Variants in PAIP2 observed in about 807,000 individuals in gnomAD.
PAIP2 encodes polyadenylate-binding protein-interacting protein 2.
Under a neutral mutation model 14.8 loss-of-function variants are expected in PAIP2, and 7 were observed. The observed-to-expected ratio is 0.47, with a 90% CI of 0.27 to 0.89. The LOEUF is 0.89. PAIP2 is among the 40% of genes least tolerant of loss of function. The probability of loss-of-function intolerance (pLI) is 0.13; values close to 1 mark genes in which losing one functional copy is unlikely to be tolerated. For synonymous variants in PAIP2, 47 were observed against 45.3 expected (o/e 1.04, Z -0.15); for missense variants, 122 against 154.7 (o/e 0.79, Z 1.12).
Position 139,368,802 on chromosome 5 carries a change from G to C in PAIP2, c.*4G>C, listed in dbSNP as rs1757467113. ...GGTGAAGTACGGAAATATTTGAGTA[G>C]ACGGGGCCCTCTTTTGGTGGATGTA... On this transcript the variant is annotated 3_prime_UTR_variant, in exon 4 of 4. Transcript: ENST00000265192. 6.2e-7 allele frequency: 1 copy of C among 1,605,058 alleles called. No homozygotes were observed.
chr5:139,349,525 G>A (rs1756662084), intron 1 of PAIP2, among the ~76,000 whole-genome samples: 1 of 152,172 alleles, frequency 6.6e-6, no homozygotes, highest in African/African-American at 2.4e-5. Flanking sequence ...GGGATTACAG[G>A]CATGAGCCAC....
chr5:139,347,269 T>A (rs866742985), intron 1 of PAIP2, among the ~76,000 whole-genome samples: 169 of 2,514 alleles, frequency 0.067, no homozygotes, highest in South Asian at 0.28. Context: ...ATGTTACAAC[T>A]TTTTTTTTTT....
chr5:139,343,746 C>G (rs1002729401), intron 1 of PAIP2, among the ~76,000 whole-genome samples: 1 of 136,802 alleles, frequency 7.3e-6, no homozygotes, highest in Non-Finnish European at 1.5e-5. Flanking sequence ...GAGTCTCACT[C>G]TGTCGCCAGG....
intron 1 of PAIP2, among the ~76,000 whole-genome samples, chr5:139,359,313 A>G (rs1463050261): frequency 6.6e-6 from 1 of 151,350 alleles, no homozygotes; most frequent in Non-Finnish European, 1.5e-5. Context: ...ATTTTTTTTC[A>G]TTTTCAGTAG....
chr5:139,361,461 G>T (rs1050841972), intron 1 of PAIP2, among the ~76,000 whole-genome samples: 1 of 152,034 alleles, frequency 6.6e-6, no homozygotes, highest in Non-Finnish European at 1.5e-5. Context: ...TTGAGTTTAC[G>T]TACAGGTGAA....
At chr5:139,349,272 G>A (rs924522122) in intron 1 of PAIP2, among the ~76,000 whole-genome samples, 3 of 151,924 alleles carry the variant, frequency 2.0e-5, no homozygotes, top group South Asian at 2.1e-4. Context: ...TCTCTGAGAC[G>A]GAGTCTCGCT....
At chr5:139,359,068 G>A (rs984401190) in intron 1 of PAIP2, among the ~76,000 whole-genome samples, 10 of 151,916 alleles carry the variant, frequency 6.6e-5, no homozygotes, top group African/African-American at 1.9e-4. Context: ...CCTTGACCTC[G>A]GGCTAATATG....
intron 1 of PAIP2, among the ~76,000 whole-genome samples, chr5:139,349,563 A>G (rs899488126): frequency 6.6e-6 from 1 of 152,156 alleles, no homozygotes; most frequent in Non-Finnish European, 1.5e-5. Context: ...GTACATTTTT[A>G]ATTGATAGGA....
intron 3 of PAIP2, among the ~76,000 whole-genome samples, chr5:139,366,019 G>A (rs1473315309): frequency 1.3e-5 from 2 of 152,004 alleles, no homozygotes; most frequent in African/African-American, 4.8e-5. Flanking sequence ...GACCAACATG[G>A]TGAAACCCCG....
chr5:139,349,655 AAAGT>A (rs1561957924), intron 1 of PAIP2, among the ~76,000 whole-genome samples: 2 of 152,230 alleles, frequency 1.3e-5, no homozygotes, highest in Non-Finnish European at 2.9e-5. Context: ...AAGCATAAGA[AAAGT>A]AAACATGAAA....
Position 139,360,600 on chromosome 5 carries a change from C to T in PAIP2, c.-26-3159C>T, listed in dbSNP as rs550761201. On this transcript the variant is annotated intron_variant, in intron 1 of 3. Coordinates refer to ENST00000265192, the MANE Select transcript of PAIP2 (RefSeq NM_016480.5). Reference sequence around the variant, plus strand: ...CTCCACCTCCCAGGGTCAGGAGATCCTCCTACCTTGGCCTCCCAAGTAGCT... The same window carrying T: ...CTCCACCTCCCAGGGTCAGGAGATCTTCCTACCTTGGCCTCCCAAGTAGCT... Among the ~76,000 whole-genome samples the T allele has an allele frequency of 2.0e-5, 3 of 151,938 alleles. No homozygotes were observed. In the South Asian group the frequency reaches 6.2e-4, roughly 32 times the overall value.
At chr5:139,358,514 T>G (rs1014080997) in intron 1 of PAIP2, among the ~76,000 whole-genome samples, 1 of 152,142 alleles carries the variant, frequency 6.6e-6, no homozygotes, top group Non-Finnish European at 1.5e-5. Flanking sequence ...TTGAACACAT[T>G]GGGTATATAT....
chr5:139,354,384 T>G (rs751462677), intron 1 of PAIP2, among the ~76,000 whole-genome samples: 3 of 152,222 alleles, frequency 2.0e-5, no homozygotes, highest in Non-Finnish European at 4.4e-5. Context: ...AATCAGCTGT[T>G]AATCTTATTG....
chr5:139,364,358 T>C (rs1470404845), intron 2 of PAIP2, among the ~76,000 whole-genome samples: 1 of 152,212 alleles, frequency 6.6e-6, no homozygotes, highest in Admixed American at 6.5e-5. Context: ...AAAAAGAATG[T>C]TCTACTAATA....
In PAIP2 at chr5:139,346,693, A is replaced by ACGGT. The variant is rs1756561374; in HGVS notation, c.-27+4713_-27+4714insCGGT. Among the ~76,000 whole-genome samples the ACGGT allele has an allele frequency of 2.1e-5, 3 of 144,452 alleles. No homozygotes were observed. In the South Asian group the frequency reaches 6.6e-4, roughly 32 times the overall value. The allele number at this position is 144,452 out of a possible 152,430, so 94.8% of individuals were successfully genotyped here. A position where few individuals can be genotyped will look rare whatever the true frequency, so the allele number is the denominator to read the frequency against. On this transcript the variant is annotated intron_variant, in intron 1 of 3. Coordinates refer to ENST00000265192, the MANE Select transcript of PAIP2 (RefSeq NM_016480.5). ...ACTACAAGCGTGCACCTCCATGTCC[A>ACGGT]GCTAATTTTTGCATTTTTAGAGACG...
chr5:139,352,179 A>C (rs935642715), intron 1 of PAIP2, among the ~76,000 whole-genome samples: 9 of 146,510 alleles, frequency 6.1e-5, no homozygotes, highest in African/African-American at 2.0e-4. Context: ...GAAAAAAAAA[A>C]AAACACCAAA....
intron 1 of PAIP2, 115 bp from the exon 2 acceptor site, chr5:139,363,644 G>A (rs1181582559): frequency 7.3e-6 from 6 of 825,782 alleles, no homozygotes; most frequent in Non-Finnish European, 1.1e-5. Context: ...TCGAGGCTGT[G>A]GTGAGCCATG....
intron 1 of PAIP2, among the ~76,000 whole-genome samples, chr5:139,352,503 T>TTTTTTTTTTTTTTTTTTTG (rs1422182919): frequency 1.6e-5 from 2 of 124,460 alleles, no homozygotes; most frequent in Non-Finnish European, 1.7e-5. Flanking sequence ...TTTTTTGTTG[T>TTTTTTTTTTTTTTTTTTTG]TTTTTTTTTT....
At position 139,350,696 on chromosome 5, in the gene PAIP2, C is replaced by T. The variant is rs150946340; in HGVS notation, c.-27+8716C>T. ...TGAGGTTGAAAGATCATACCTGCAA[C>T]TTATCAAATGGTTAAGCAAAAAAAA... On this transcript the variant is annotated intron_variant, in intron 1 of 3. Transcript: ENST00000265192. Among the ~76,000 whole-genome samples the T allele has an allele frequency of 2.0e-5, 3 of 151,316 alleles. No individual in the cohort carries two copies. The East Asian group carries it at 5.8e-4, about 29-fold the overall frequency.
Sources: allele counts gnomAD v4.1 joint callset (sites outside exome capture counted in the v4.1 genomes callset), GRCh38; gene constraint gnomAD v4.1.1; transcripts MANE v1.5; gene names NCBI Gene and HGNC (gene_info 2026-07-23, HGNC 2026-07-21).